MNDA: variants seen among roughly 807,000 people sequenced by gnomAD.
MNDA encodes the protein myeloid cell nuclear differentiation antigen.
A neutral mutation model predicts 37.8 loss-of-function variants in MNDA; 43 were observed. The observed-to-expected ratio is 1.14, with a 90% CI of 0.89 to 1.47. MNDA has a LOEUF of 1.47. Ranked by LOEUF, MNDA falls within the 40% of genes most tolerant of loss-of-function variation. The pLI, the probability that MNDA is intolerant of heterozygous loss-of-function variation, is 0.00. For synonymous variants in MNDA, 181 were observed against 169.0 expected (o/e 1.07, Z -0.55); for missense variants, 536 against 476.0 (o/e 1.13, Z -1.17).
chr1:158,833,696 C>A (rs1171829042), intron 1 of MNDA, among the ~76,000 whole-genome samples: 1 of 152,116 alleles, frequency 6.6e-6, no homozygotes, highest in Non-Finnish European at 1.5e-5. Context: ...TATTCCATTT[C>A]ATGTATTTAC....
intron 1 of MNDA, among the ~76,000 whole-genome samples, chr1:158,836,444 T>G (rs1200301974): frequency 6.6e-6 from 1 of 152,012 alleles, no homozygotes; most frequent in African/African-American, 2.4e-5. Context: ...TCTTTATGAT[T>G]CAAAATTTGC....
Position 158,847,885 on chromosome 1 carries a change from A to G in MNDA, c.1145A>G (p.Lys382Arg). 1 of 1,613,966 alleles carries G rather than the reference A, an allele frequency of 6.2e-7. No individual in the cohort carries two copies. Among genetic ancestry groups the G allele is most frequent in the Non-Finnish European group, 8.5e-7 (1 of 1,179,874 alleles). ...LQLRTVDRKLKLVCGSHSFIK... is the reference protein window; with the variant it reads ...LQLRTVDRKLRLVCGSHSFIK... ...CTGAGAACAGTTGACCGCAAGCTGA[A>G]ACTGGTGTGTGGAAGTCACAGCTTC... Residue 382 changes from lysine (K) to arginine (R), a missense_variant, in exon 6 of 7, where the codon AAA (lysine) becomes AGA (arginine). Coordinates refer to ENST00000368141, the MANE Select transcript of MNDA (RefSeq NM_002432.3).
chr1:158,835,337 C>T (rs1335432824), intron 1 of MNDA, among the ~76,000 whole-genome samples: 1 of 152,022 alleles, frequency 6.6e-6, no homozygotes, highest in Non-Finnish European at 1.5e-5. Flanking sequence ...TAAGTTTATT[C>T]CTAAGTATTT....
intron 3 of MNDA, among the ~76,000 whole-genome samples, chr1:158,843,621 A>T (rs1659073605): frequency 6.6e-6 from 1 of 152,250 alleles, no homozygotes; most frequent in African/African-American, 2.4e-5. Context: ...CCATTATAAA[A>T]ATGGGGTAAT....
intron 6 of MNDA, 84 bp from the exon 7 acceptor site, chr1:158,849,106 T>A (rs1489958764): frequency 1.0e-6 from 1 of 998,938 alleles, no homozygotes; most frequent in Non-Finnish European, 1.5e-6. Flanking sequence ...GAAGAAAAGA[T>A]ATGGCAGGTG....
At chr1:158,846,092 C>A (rs1659128700) in intron 5 of MNDA, 89 bp downstream of exon 5, 3 of 1,227,996 alleles carry the variant, frequency 2.4e-6, no homozygotes, top group Non-Finnish European at 2.3e-6. Context: ...AATATTGGAA[C>A]ACAAGAATTT....
At chr1:158,832,425 G>A (rs925841131) in intron 1 of MNDA, among the ~76,000 whole-genome samples, 2 of 151,784 alleles carry the variant, frequency 1.3e-5, no homozygotes, top group African/African-American at 4.8e-5. Context: ...ACTGAGAGAT[G>A]TGGTGAAATC....
intron 1 of MNDA, among the ~76,000 whole-genome samples, chr1:158,835,144 T>A (rs1658881686): frequency 6.6e-6 from 1 of 152,198 alleles, no homozygotes; most frequent in Non-Finnish European, 1.5e-5. Flanking sequence ...TGTGTTCGTG[T>A]AAAAAACACT....
intron 5 of MNDA, among the ~76,000 whole-genome samples, chr1:158,847,195 ATATTGGGTACAATGTACAC>A (rs1659150397): frequency 6.6e-6 from 1 of 152,180 alleles, no homozygotes; most frequent in African/African-American, 2.4e-5. Context: ...ACAAAACTAT[ATATTGGGTACAATGTACAC>A]TACTTGGGTA....
intron 5 of MNDA, among the ~76,000 whole-genome samples, chr1:158,846,694 A>G (rs1289920387): frequency 6.6e-6 from 1 of 152,206 alleles, no homozygotes. Context: ...GCTAGTTAGG[A>G]TAATGCATTC....
chr1:158,847,979 G>A (rs1444798900), intron 6 of MNDA, 63 bp downstream of exon 6: 1 of 1,475,672 alleles, frequency 6.8e-7, no homozygotes, highest in Non-Finnish European at 9.3e-7. Context: ...TTAGGCTTTG[G>A]GAACACCAGG....
chr1:158,845,238 G>A (rs1257099468), intron 4 of MNDA, among the ~76,000 whole-genome samples: 1 of 151,832 alleles, frequency 6.6e-6, no homozygotes, highest in Non-Finnish European at 1.5e-5. Flanking sequence ...TTGTTTGTTT[G>A]TTTGTTTGTT....
At chr1:158,832,239 A>G (rs1023936105) in intron 1 of MNDA, among the ~76,000 whole-genome samples, 2 of 152,042 alleles carry the variant, frequency 1.3e-5, no homozygotes, top group Admixed American at 6.5e-5. Context: ...TGACTTTTTT[A>G]TGGCTTTGTA....
At chr1:158,841,565 C>A (rs189136124) in intron 1 of MNDA, among the ~76,000 whole-genome samples, 1 of 152,092 alleles carries the variant, frequency 6.6e-6, no homozygotes, top group African/African-American at 2.4e-5. Context: ...AAGTTCTAAG[C>A]CCCAGGGAGA....
chr1:158,842,258 A>C lies in MNDA; in HGVS notation c.105A>C (p.Leu35=), dbSNP rs1264133531. The C allele has an allele frequency of 1.9e-6, 3 of 1,614,048 alleles. No individual in the cohort carries two copies. The highest frequency in any genetic ancestry group is 2.7e-5 in the African/African-American group (2 of 74,950). The change falls in exon 2 of 7, where the codon CTA becomes CTC. Residue 35 remains leucine (L), a synonymous_variant. Coordinates refer to ENST00000368141, the MANE Select transcript of MNDA (RefSeq NM_002432.3). ...IKSLLAYDLG[L]TTKMQEEYNR... is the part of the protein sequence containing the mutation. The stretch of plus-strand genomic sequence containing the variant: ...CCTTACTGGCCTATGATTTAGGACT[A>C]ACTACAAAAATGCAAGAGGAATACA...
In MNDA at chr1:158,845,842, G is replaced by A. The variant is rs1571660418; in HGVS notation, c.826G>A (p.Gly276Arg). ...CATATCTGATTACTCTGAATGTAAAGGAGTAATGGAAATAAAGGAAGCATC... is the reference window on the plus strand; with the variant it reads ...CATATCTGATTACTCTGAATGTAAAAGAGTAATGGAAATAAAGGAAGCATC... ...ITISDYSECK[G>R]VMEIKEASSV... The change falls in exon 5 of 7, where the codon GGA becomes AGA. Residue 276 changes from glycine to arginine, a missense_variant. By Grantham distance (125) the Gly-to-Arg change is moderately radical. Transcript: ENST00000368141. 1 of 1,614,128 alleles carries A rather than the reference G, an allele frequency of 6.2e-7. No individual in the cohort carries two copies. The highest frequency in any genetic ancestry group is 8.5e-7 in the Non-Finnish European group (1 of 1,179,998).
chr1:158,848,155 G>A (rs1231968564), intron 6 of MNDA, among the ~76,000 whole-genome samples: 6 of 152,136 alleles, frequency 3.9e-5, no homozygotes, highest in African/African-American at 7.2e-5. Context: ...TGTGTCTAGC[G>A]GCAGGGAACA....
At position 158,844,459 on chromosome 1, in the gene MNDA, T is replaced by G. The variant is rs571292376; in HGVS notation, c.570+337T>G. Among the ~76,000 whole-genome samples the G allele has an allele frequency of 2.5e-4, 38 of 150,780 alleles. 1 individual carries two copies. Among genetic ancestry groups the G allele is most frequent in the African/African-American group, 9.3e-4 (38 of 40,932 alleles). On this transcript the variant is annotated intron_variant, in intron 4 of 6. Transcript: ENST00000368141. ...TCCTATTACAGATCTGCCAACGTTC[T>G]CTTCAGAAAAGTATTCTGCTGCAAC...
rs1265103889 is a variant in MNDA at position 158,842,336 on chromosome 1, T to A, written c.183T>A (p.Cys61Ter). 1.2e-6 allele frequency: 2 copies of A among 1,614,064 alleles called. No individual in the cohort carries two copies. Among genetic ancestry groups the A allele is most frequent in the Admixed American group, 1.7e-5 (1 of 60,008 alleles). ...AAAAAAAGTTCCAAGGCGTTGCCTG[T>A]CTAGACAAACTAATAGAACTTGCCA... ...LMEKKFQGVA[C>*]LDKLIELAKD... The change falls in exon 2 of 7, where the codon TGT becomes TGA. Residue 61 changes from cysteine to a stop codon, truncating the protein, a stop_gained. Transcript: ENST00000368141. LOFTEE classifies it high-confidence loss of function.
Sources: gnomAD v4.1 joint callset for allele counts (sites outside exome capture counted in the v4.1 genomes callset) on GRCh38, gnomAD v4.1.1 for gene constraint, MANE v1.5 for transcripts, NCBI Gene and HGNC (gene_info 2026-07-23, HGNC 2026-07-21) for gene names.